CRIM1: variants seen among roughly 807,000 people sequenced by gnomAD.
The protein encoded by CRIM1 is cysteine rich transmembrane BMP regulator 1.
CRIM1 carries 32 observed loss-of-function variants against 116.4 expected under a neutral mutation model. That is an observed-to-expected ratio of 0.27 (90% CI 0.21 to 0.37). The LOEUF is 0.37. Ranked by LOEUF, CRIM1 falls within the 10% of genes least tolerant of loss-of-function variation. The probability of loss-of-function intolerance (pLI) is 1.00; values close to 1 mark genes in which losing one functional copy is unlikely to be tolerated. For missense variants in CRIM1, 1,331 were observed against 1,354.8 expected (o/e 0.98, Z 0.28); for synonymous variants, 590 against 509.2 (o/e 1.16, Z -2.13).
intron 4 of CRIM1, among the ~76,000 whole-genome samples, chr2:36,457,443 A>AG (rs1677223653): frequency 1.3e-5 from 2 of 152,158 alleles, no homozygotes; most frequent in African/African-American, 4.8e-5. Flanking sequence ...CACTGTACAC[A>AG]GGGGAGGGAT....
At chr2:36,499,120 G>A in intron 7 of CRIM1, 99 bp from the exon 8 acceptor site, 1 of 883,218 alleles carries the variant, frequency 1.1e-6, no homozygotes, top group Non-Finnish European at 1.8e-6. Context: ...TTACTGATTT[G>A]ATTTTTGTAA....
intron 8 of CRIM1, among the ~76,000 whole-genome samples, chr2:36,505,371 A>G (rs1681319270): frequency 6.7e-6 from 1 of 150,234 alleles, no homozygotes; most frequent in Non-Finnish European, 1.5e-5. Context: ...TTAAGTTCCT[A>G]CCATATATTT....
chr2:36,456,783 C>G (rs577966934), intron 4 of CRIM1, among the ~76,000 whole-genome samples: 39 of 152,280 alleles, frequency 2.6e-4, no homozygotes, highest in Admixed American at 2.6e-3. Flanking sequence ...GTCTCCACCC[C>G]CCCACCACCC....
At chr2:36,358,643 A>G (rs1424438966) in intron 1 of CRIM1, among the ~76,000 whole-genome samples, 3 of 152,180 alleles carry the variant, frequency 2.0e-5, no homozygotes, top group Non-Finnish European at 2.9e-5. Flanking sequence ...TGTGCTTGGT[A>G]TTCGCTTTGA....
At chr2:36,535,411 C>G (rs1438299364) in intron 13 of CRIM1, among the ~76,000 whole-genome samples, 1 of 152,126 alleles carries the variant, frequency 6.6e-6, no homozygotes, top group East Asian at 1.9e-4. Flanking sequence ...TTGAAAGCCT[C>G]CAAATGAGTT....
intron 2 of CRIM1, among the ~76,000 whole-genome samples, chr2:36,404,159 C>G (rs1672616032): frequency 6.6e-6 from 1 of 152,118 alleles, no homozygotes; most frequent in Non-Finnish European, 1.5e-5. Context: ...AGAAGAAAAT[C>G]CAAGGGTTGC....
chr2:36,413,468 C>G (rs1047147239), intron 2 of CRIM1, among the ~76,000 whole-genome samples: 1 of 151,992 alleles, frequency 6.6e-6, no homozygotes, highest in African/African-American at 2.4e-5. Flanking sequence ...TTCACACAAG[C>G]GGGAAAGGAC....
intron 1 of CRIM1, among the ~76,000 whole-genome samples, chr2:36,372,126 T>A (rs184074804): frequency 1.3e-5 from 2 of 152,322 alleles, no homozygotes; most frequent in African/African-American, 4.8e-5. Flanking sequence ...AATTTTTAAC[T>A]GTACAGCTTC....
intron 2 of CRIM1, among the ~76,000 whole-genome samples, chr2:36,402,568 T>C (rs767788075): frequency 6.6e-6 from 1 of 151,914 alleles, no homozygotes; most frequent in Non-Finnish European, 1.5e-5. Flanking sequence ...TGACATGATT[T>C]GTCTTTTAAA....
chr2:36,530,055 A>G (rs1666010732), intron 13 of CRIM1, among the ~76,000 whole-genome samples: 1 of 152,186 alleles, frequency 6.6e-6, no homozygotes, highest in South Asian at 2.1e-4. Flanking sequence ...TTGGAAGCTA[A>G]AAGTTATAAA....
intron 2 of CRIM1, among the ~76,000 whole-genome samples, chr2:36,423,662 C>T (rs1421182832): frequency 6.6e-6 from 1 of 152,138 alleles, no homozygotes; most frequent in Non-Finnish European, 1.5e-5. Flanking sequence ...TATTTGAGTC[C>T]TCTGCCCTTG....
intron 1 of CRIM1, among the ~76,000 whole-genome samples, chr2:36,395,170 A>G (rs1305990822): frequency 6.6e-6 from 1 of 151,972 alleles, no homozygotes; most frequent in African/African-American, 2.4e-5. Flanking sequence ...ATGCGCCACC[A>G]TGTCCAGCTA....
chr2:36,453,471 C>A (rs1002045515), intron 4 of CRIM1, among the ~76,000 whole-genome samples: 2 of 152,142 alleles, frequency 1.3e-5, no homozygotes, highest in Non-Finnish European at 2.9e-5. Flanking sequence ...AGGACCCACC[C>A]TATATATTTC....
intron 7 of CRIM1, among the ~76,000 whole-genome samples, chr2:36,490,901 A>G (rs1211615582): frequency 1.3e-5 from 2 of 152,178 alleles, no homozygotes; most frequent in Non-Finnish European, 2.9e-5. Context: ...GCCAGGCACC[A>G]GGATACCATC....
intron 1 of CRIM1, among the ~76,000 whole-genome samples, chr2:36,367,424 C>G (rs1669672561): frequency 6.6e-6 from 1 of 152,118 alleles, no homozygotes; most frequent in Admixed American, 6.5e-5. Flanking sequence ...GCTTTTGAAT[C>G]CCCCTTCATC....
At chr2:36,444,251 C>A (rs1414613049) in intron 4 of CRIM1, among the ~76,000 whole-genome samples, 1 of 152,084 alleles carries the variant, frequency 6.6e-6, no homozygotes, top group Non-Finnish European at 1.5e-5. Context: ...TTTTTTCAGT[C>A]ACTCTAGGGG....
chr2:36,490,838 A>T (rs939747208), intron 7 of CRIM1, among the ~76,000 whole-genome samples: 8 of 152,088 alleles, frequency 5.3e-5, no homozygotes, highest in African/African-American at 1.9e-4. Context: ...GGCCCTAACC[A>T]TTGGCACTTA....
rs575671048 is a variant in CRIM1 at position 36,440,739 on chromosome 2, T to G, written c.506-519T>G. On this transcript the variant is annotated intron_variant, in intron 2 of 16. Coordinates refer to ENST00000280527, the MANE Select transcript of CRIM1 (RefSeq NM_016441.3). ...CTTGCTAAGCTGCCACATCGTAAAG[T>G]CACAGACTATTAATAGAATACCATT... Among the ~76,000 whole-genome samples, 179 of 152,298 alleles carry G rather than the reference T, an allele frequency of 1.2e-3. 1 individual carries two copies. Among genetic ancestry groups the G allele is most frequent in the South Asian group, 1.9e-3 (9 of 4,820 alleles).
chr2:36,528,072 T>C (rs1276977845), intron 13 of CRIM1, among the ~76,000 whole-genome samples: 2 of 152,196 alleles, frequency 1.3e-5, no homozygotes, highest in Admixed American at 1.3e-4. Context: ...ATAATGTACA[T>C]ATGCAAAAAT....
Sources: gnomAD v4.1 joint callset for allele counts (sites outside exome capture counted in the v4.1 genomes callset) on GRCh38, gnomAD v4.1.1 for gene constraint, MANE v1.5 for transcripts, NCBI Gene and HGNC (gene_info 2026-07-23, HGNC 2026-07-21) for gene names.